Variants in MAD1L1 observed in about 807,000 individuals in gnomAD.
MAD1L1 encodes the protein mitotic spindle assembly checkpoint protein MAD1.
A neutral mutation model predicts 96.9 loss-of-function variants in MAD1L1; 95 were observed. That is an observed-to-expected ratio of 0.98 (90% CI 0.83 to 1.16). The LOEUF (loss-of-function observed/expected upper bound fraction) is 1.16. MAD1L1 is among the 50% of genes most tolerant of loss of function. MAD1L1 has a pLI of 0.00. For missense variants in MAD1L1, 1,007 were observed against 954.4 expected, an observed-to-expected ratio of 1.06 and a Z score of -0.73; for synonymous variants, 473 against 396.6, an observed-to-expected ratio of 1.19 and a Z score of -2.29.
chr7:1,939,326 TACACAC>T (rs569016510), intron 16 of MAD1L1, among the ~76,000 whole-genome samples: 1 of 93,520 alleles, frequency 1.1e-5, no homozygotes, highest in East Asian at 3.7e-4. Context: ...CACACACACA[TACACAC>T]ACACACAGGC....
chr7:2,216,790 A>G (rs10229463), intron 7 of MAD1L1, among the ~76,000 whole-genome samples: 12,419 of 152,106 alleles, frequency 0.082, 1,748 homozygotes, highest in African/African-American at 0.28. Context: ...AATTAAAGTC[A>G]TTGAGGTCAC....
intron 11 of MAD1L1, among the ~76,000 whole-genome samples, chr7:2,115,718 C>T (rs1031297565): frequency 1.3e-5 from 2 of 152,260 alleles, no homozygotes; most frequent in South Asian, 2.1e-4. Context: ...AGGGAAGCCA[C>T]GGCCCTGCCC....
chr7:1,964,708 G>C (rs1232523356), intron 15 of MAD1L1, among the ~76,000 whole-genome samples: 2 of 152,244 alleles, frequency 1.3e-5, no homozygotes, highest in South Asian at 2.1e-4. Context: ...AATCAAAGCA[G>C]GTGCCTGTCT....
At chr7:1,934,190 T>C (rs1392549442) in intron 17 of MAD1L1, among the ~76,000 whole-genome samples, 1 of 152,198 alleles carries the variant, frequency 6.6e-6, no homozygotes, top group Non-Finnish European at 1.5e-5. Flanking sequence ...ATCCCAGGCC[T>C]CTGCTCATCC....
intron 10 of MAD1L1, among the ~76,000 whole-genome samples, chr7:2,201,179 C>T (rs1400004757): frequency 7.7e-6 from 1 of 130,182 alleles, no homozygotes; most frequent in African/African-American, 2.6e-5. Flanking sequence ...CCCAGCTCTC[C>T]GAAGGCCATG....
chr7:1,958,698 G>A (rs1474075511), intron 15 of MAD1L1, among the ~76,000 whole-genome samples: 10 of 152,296 alleles, frequency 6.6e-5, no homozygotes, highest in East Asian at 1.9e-4. Context: ...AGGAAGACAC[G>A]GCCTATAATG....
chr7:1,917,264 C>T (rs980098305), intron 17 of MAD1L1, among the ~76,000 whole-genome samples: 1 of 152,198 alleles, frequency 6.6e-6, no homozygotes, highest in Non-Finnish European at 1.5e-5. Context: ...ATGGGCCTCC[C>T]GCTCGGCTGC....
chr7:2,224,159 G>A (rs1215139985), intron 4 of MAD1L1, among the ~76,000 whole-genome samples: 3 of 152,124 alleles, frequency 2.0e-5, no homozygotes, highest in African/African-American at 7.2e-5. Context: ...TGCCCTCAGG[G>A]ACTCTCGGCC....
At chr7:1,914,093 C>A (rs1038808776) in intron 17 of MAD1L1, among the ~76,000 whole-genome samples, 3 of 152,190 alleles carry the variant, frequency 2.0e-5, no homozygotes, top group Non-Finnish European at 4.4e-5. Flanking sequence ...CAGGCCCGAC[C>A]CCACAATGGG....
intron 17 of MAD1L1, among the ~76,000 whole-genome samples, chr7:1,909,054 G>A (rs980401213): frequency 1.3e-5 from 2 of 152,224 alleles, no homozygotes; most frequent in South Asian, 4.1e-4. Context: ...CAGTGCCAGT[G>A]GGAACACAGG....
At chr7:1,819,406 G>C (rs551703574) in intron 18 of MAD1L1, among the ~76,000 whole-genome samples, 1 of 152,182 alleles carries the variant, frequency 6.6e-6, no homozygotes, top group Non-Finnish European at 1.5e-5. Flanking sequence ...TCTTAATGAA[G>C]ACACTCGCGG....
At chr7:2,115,085 C>A (rs949952354) in intron 11 of MAD1L1, among the ~76,000 whole-genome samples, 1 of 152,206 alleles carries the variant, frequency 6.6e-6, no homozygotes, top group Non-Finnish European at 1.5e-5. Flanking sequence ...CCCCGCCCCG[C>A]GACCCAAGGC....
chr7:2,199,110 C>T (rs938287626), intron 10 of MAD1L1, among the ~76,000 whole-genome samples: 5 of 152,258 alleles, frequency 3.3e-5, no homozygotes, highest in African/African-American at 1.2e-4. Flanking sequence ...TGCGCAACTC[C>T]AGCTCCACCT....
chr7:2,106,467 C>T (rs1421905341), intron 11 of MAD1L1, among the ~76,000 whole-genome samples: 1 of 152,026 alleles, frequency 6.6e-6, no homozygotes, highest in East Asian at 1.9e-4. Flanking sequence ...CTCCTGGAAA[C>T]CTGTGCCAAG....
chr7:2,049,715 A>T (rs1784081713), intron 12 of MAD1L1, among the ~76,000 whole-genome samples: 1 of 152,206 alleles, frequency 6.6e-6, no homozygotes, highest in Admixed American at 6.5e-5. Context: ...CATCAGCACC[A>T]GTGTCCAGGA....
At chr7:2,002,234 C>G in intron 13 of MAD1L1, 113 bp from the exon 14 acceptor site, 1 of 1,092,544 alleles carries the variant, frequency 9.2e-7, no homozygotes, top group African/African-American at 1.5e-5. Flanking sequence ...TGGGGAGCAA[C>G]GGGACCCAGG....
intron 12 of MAD1L1, among the ~76,000 whole-genome samples, chr7:2,042,469 T>C (rs1783731418): frequency 6.6e-6 from 1 of 152,194 alleles, no homozygotes; most frequent in Non-Finnish European, 1.5e-5. Flanking sequence ...ATACACCCAA[T>C]GATGGTATCA....
chr7:2,165,162 C>G (rs1353719408), intron 10 of MAD1L1, among the ~76,000 whole-genome samples: 2 of 151,542 alleles, frequency 1.3e-5, no homozygotes, highest in South Asian at 4.2e-4. Context: ...CGAGATCGCA[C>G]CATTGCACTC....
At chr7:1,977,458 G>A (rs927230177) in intron 15 of MAD1L1, among the ~76,000 whole-genome samples, 6 of 152,190 alleles carry the variant, frequency 3.9e-5, no homozygotes, top group African/African-American at 1.4e-4. Flanking sequence ...ACTGGCCTGT[G>A]AGCACCACGC....
Sources: allele counts gnomAD v4.1 joint callset (sites outside exome capture counted in the v4.1 genomes callset), GRCh38; gene constraint gnomAD v4.1.1; transcripts MANE v1.5; gene names NCBI Gene and HGNC (gene_info 2026-07-23, HGNC 2026-07-21).